PDE2A: variants seen among roughly 807,000 people sequenced by gnomAD.
PDE2A encodes phosphodiesterase 2A, also known as cGMP-dependent 3',5'-cyclic phosphodiesterase.
Under a neutral mutation model 133.6 loss-of-function variants are expected in PDE2A, and 53 were observed. The ratio of observed to expected loss-of-function variants is 0.40; its 90% CI spans 0.32 to 0.50. The LOEUF (loss-of-function observed/expected upper bound fraction) is 0.50, where lower values mean the gene tolerates loss of function less well. PDE2A is among the 20% of genes least tolerant of loss of function. PDE2A has a pLI of 0.73. For synonymous variants in PDE2A, 491 were observed against 490.2 expected, an observed-to-expected ratio of 1.00 and a Z score of -0.02; for missense variants, 796 against 1,232.4, an observed-to-expected ratio of 0.65 and a Z score of 5.30.
chr11:72,639,427 G>A (rs988058099), intron 2 of PDE2A, among the ~76,000 whole-genome samples: 1 of 152,330 alleles, frequency 6.6e-6, no homozygotes, highest in Non-Finnish European at 1.5e-5. Flanking sequence ...CATGAGCCAG[G>A]AAGGGCGCTG....
chr11:72,580,685 T>G, intron 24 of PDE2A, 61 bp from the exon 25 acceptor site: 1 of 1,332,140 alleles, frequency 7.5e-7, no homozygotes, highest in Non-Finnish European at 1.1e-6. Flanking sequence ...GCCACTGCTT[T>G]AGGCTGAGCA....
intron 1 of PDE2A, among the ~76,000 whole-genome samples, chr11:72,666,587 C>T (rs1463902235): frequency 6.6e-6 from 1 of 152,134 alleles, no homozygotes; most frequent in Non-Finnish European, 1.5e-5. Context: ...TATTGAATAG[C>T]CAGACATTAG....
intron 2 of PDE2A, among the ~76,000 whole-genome samples, chr11:72,636,295 C>T (rs900562948): frequency 7.9e-5 from 12 of 152,258 alleles, no homozygotes; most frequent in African/African-American, 2.2e-4. Flanking sequence ...AGAACAATCA[C>T]GCATGTTTAG....
chr11:72,579,171 G>A, intron 27 of PDE2A, 113 bp downstream of exon 27: 1 of 971,274 alleles, frequency 1.0e-6, no homozygotes, highest in Non-Finnish European at 1.7e-6. Flanking sequence ...CGTGCAGCCA[G>A]AGAAGGGTTG....
chr11:72,667,746 C>T (rs546017155), intron 1 of PDE2A, among the ~76,000 whole-genome samples: 8 of 152,066 alleles, frequency 5.3e-5, no homozygotes, highest in African/African-American at 1.9e-4. Flanking sequence ...TGCAGTGGCT[C>T]ACACCTGTAA....
rs1855761780 is a variant in PDE2A, at chr11:72,582,367, T to C, written c.1851+77A>G. On this transcript the variant is annotated intron_variant, in intron 21 of 30. Coordinates refer to ENST00000334456, the MANE Select transcript of PDE2A (RefSeq NM_002599.5). ...TTGATGACTCTGTCTTCCCAGGAAGTTCTTGATGCGCATTTAACTTAAGCC... is the reference window on the plus strand; with the variant it reads ...TTGATGACTCTGTCTTCCCAGGAAGCTCTTGATGCGCATTTAACTTAAGCC... The C allele has an allele frequency of 2.8e-6, 4 of 1,413,258 alleles. No homozygotes were observed. In the Admixed American group the frequency reaches 5.7e-5, roughly 20 times the overall value. The allele number at this position is 1,413,258 out of a possible 1,614,324, so 87.5% of individuals were successfully genotyped here. A position where few individuals can be genotyped will look rare whatever the true frequency, so the allele number is the denominator to read the frequency against.
intron 2 of PDE2A, among the ~76,000 whole-genome samples, chr11:72,632,256 C>A (rs1431332859): frequency 1.3e-5 from 2 of 152,166 alleles, no homozygotes; most frequent in East Asian, 1.9e-4. Flanking sequence ...GTGACAGGAG[C>A]TGCACCTGGT....
chr11:72,585,788 A>G (rs1250586631), intron 14 of PDE2A, among the ~76,000 whole-genome samples, 195 bp from the exon 15 acceptor site: 4 of 152,228 alleles, frequency 2.6e-5, no homozygotes, highest in African/African-American at 7.2e-5. Flanking sequence ...GGTGCAGGTG[A>G]GGAGTCTCCT....
At chr11:72,617,964 C>G (rs569855191) in intron 2 of PDE2A, among the ~76,000 whole-genome samples, 1 of 152,158 alleles carries the variant, frequency 6.6e-6, no homozygotes, top group Non-Finnish European at 1.5e-5. Context: ...GCCTGCCCTC[C>G]GGGGTCCCAG....
intron 26 of PDE2A, 49 bp from the exon 27 acceptor site, chr11:72,579,432 C>T: frequency 6.4e-7 from 1 of 1,572,984 alleles, no homozygotes; most frequent in Non-Finnish European, 8.7e-7. Context: ...CACCCCCACC[C>T]ATTTGCCCAT....
At position 72,590,015 on chromosome 11, in the gene PDE2A, C is replaced by G; in HGVS notation, c.757-34G>C. The stretch of plus-strand genomic sequence containing the variant: ...GGGACAGGCAGGGCGAGGGGGTGAC[C>G]GCGGATCCGGGTCACCCCACTCCCC... On this transcript the variant is annotated intron_variant, in intron 9 of 30. Transcript: ENST00000334456. The surrounding 1 kb of genome is among the most constrained non-coding windows in gnomAD (Gnocchi z 4.8). 2 of 1,582,154 alleles carry G rather than the reference C, an allele frequency of 1.3e-6. No individual in the cohort carries two copies. Among genetic ancestry groups the G allele is most frequent in the Non-Finnish European group, 1.7e-6 (2 of 1,160,394 alleles).
In PDE2A at chr11:72,596,750, G is replaced by T. The variant is rs1028590663; in HGVS notation, c.434-102C>A. On this transcript the variant is annotated intron_variant, in intron 5 of 30. Coordinates refer to ENST00000334456, the MANE Select transcript of PDE2A (RefSeq NM_002599.5). ...GGAGACAAAGATGCAGACAAAGAGAGGCCAGGACAGAGACACACAGAGACC... is the reference window on the plus strand; with the variant it reads ...GGAGACAAAGATGCAGACAAAGAGATGCCAGGACAGAGACACACAGAGACC... 47 of 634,548 alleles carry T rather than the reference G, an allele frequency of 7.4e-5. No individual in the cohort carries two copies. In the African/African-American group the frequency reaches 8.0e-4, roughly 11 times the overall value. 39.3% of individuals were successfully genotyped at this position (634,548 alleles called of 1,614,324 possible).
intron 2 of PDE2A, among the ~76,000 whole-genome samples, chr11:72,611,292 T>C (rs1273197244): frequency 6.6e-6 from 1 of 152,178 alleles, no homozygotes; most frequent in Non-Finnish European, 1.5e-5. Context: ...CAACCTGTGG[T>C]CAGACAGCCA....
At chr11:72,644,696 T>C (rs1859079845) in intron 1 of PDE2A, among the ~76,000 whole-genome samples, 1 of 152,248 alleles carries the variant, frequency 6.6e-6, no homozygotes, top group South Asian at 2.1e-4. Context: ...ACCACCTCCA[T>C]GGCACTCACC....
chr11:72,613,140 T>C (rs1857293247), intron 2 of PDE2A, among the ~76,000 whole-genome samples: 1 of 152,122 alleles, frequency 6.6e-6, no homozygotes, highest in African/African-American at 2.4e-5. Flanking sequence ...CTCTATGCCT[T>C]TCCCCATCTC....
In PDE2A at chr11:72,585,555, C is replaced by A; in HGVS notation, c.1221G>T (p.Leu407=). 1.2e-6 allele frequency: 2 copies of A among 1,614,132 alleles called. No individual in the cohort carries two copies. Among genetic ancestry groups the A allele is most frequent in the Middle Eastern group, 1.6e-4 (1 of 6,062 alleles). The change falls in exon 15 of 31, where the codon CTG becomes CTT. Residue 407 remains leucine (L), a splice_region_variant and synonymous_variant. Coordinates refer to ENST00000334456, the MANE Select transcript of PDE2A (RefSeq NM_002599.5). ...LQVAKNLFTH[L]DDVSVLLQEI... is the part of the protein sequence containing the mutation. ...AGGCAGAGAGAACAGTGCACTCACC[C>A]AGGTGGGTGAAGAGGTTCTTTGCCA...
At chr11:72,642,386 CGCCCGCCCGCCCGCCG>C in intron 1 of PDE2A, 60 bp from the exon 2 acceptor site, 1 of 1,293,246 alleles carries the variant, frequency 7.7e-7, no homozygotes, top group Non-Finnish European at 9.9e-7. Flanking sequence ...TGCTCGCAGC[CGCCCGCCCGCCCGCCG>C]GCCCGGCCGC....
intron 1 of PDE2A, among the ~76,000 whole-genome samples, chr11:72,644,981 T>G (rs1327981133): frequency 1.3e-5 from 2 of 152,296 alleles, no homozygotes; most frequent in East Asian, 3.9e-4. Flanking sequence ...GGTCTCGATC[T>G]CTTGACCTCA....
rs192763655 is a variant in PDE2A at position 72,672,484 on chromosome 11, C to T, written c.71+1653G>A. ...TACAGGCATGAGCCACCATGCCTGG[C>T]CCAGGGCAGGTTTCTAGAACCCAAA... On this transcript the variant is annotated intron_variant, in intron 1 of 30. Coordinates refer to ENST00000334456, the MANE Select transcript of PDE2A (RefSeq NM_002599.5). Among the ~76,000 whole-genome samples, 5 of 152,310 alleles carry T rather than the reference C, an allele frequency of 3.3e-5. No homozygotes were observed. In the East Asian group the frequency reaches 7.7e-4, roughly 24 times the overall value.
Sources: allele counts gnomAD v4.1 joint callset (sites outside exome capture counted in the v4.1 genomes callset), GRCh38; gene constraint gnomAD v4.1.1; non-coding constraint Gnocchi (gnomAD v3.1); transcripts MANE v1.5; gene names NCBI Gene and HGNC (gene_info 2026-07-23, HGNC 2026-07-21).